The following SPIDR variants were observed in gnomAD, a reference collection of about 807,000 sequenced individuals.
SPIDR encodes the protein scaffold protein involved in DNA repair, also known as DNA repair-scaffolding protein.
In SPIDR, 93 loss-of-function variants were observed where a neutral mutation model predicts 104.6. The observed-to-expected ratio is 0.89, with a 90% CI of 0.75 to 1.06. The LOEUF is 1.06. SPIDR is among the 50% of genes least tolerant of loss of function. The pLI is 0.00. For synonymous variants in SPIDR, 431 were observed against 416.9 expected (o/e 1.03, Z -0.41); for missense variants, 1,154 against 1,111.2 (o/e 1.04, Z -0.55).
intron 5 of SPIDR, among the ~76,000 whole-genome samples, chr8:47,298,015 TCC>T (rs1232803066): frequency 6.6e-6 from 1 of 152,210 alleles, no homozygotes; most frequent in Non-Finnish European, 1.5e-5. Flanking sequence ...TAGTTCTAGA[TCC>T]CTGAGGAATC....
chr8:47,504,980 C>G (rs1205670948), intron 8 of SPIDR, among the ~76,000 whole-genome samples: 1 of 152,168 alleles, frequency 6.6e-6, no homozygotes, highest in East Asian at 1.9e-4. Flanking sequence ...GCTGCCTGAT[C>G]GTTTCTCTGG....
intron 4 of SPIDR, among the ~76,000 whole-genome samples, chr8:47,292,570 C>G (rs924142585): frequency 6.6e-6 from 1 of 152,126 alleles, no homozygotes; most frequent in African/African-American, 2.4e-5. Flanking sequence ...TGGTTTTTAC[C>G]AATTGTCTAA....
intron 5 of SPIDR, among the ~76,000 whole-genome samples, chr8:47,343,414 A>T (rs907029675): frequency 6.6e-6 from 1 of 152,166 alleles, no homozygotes; most frequent in Admixed American, 6.5e-5. Flanking sequence ...AATGAAGTGG[A>T]GGGTGTGAAA....
At chr8:47,386,950 TAGATATAGATATAGATAC>T (rs1563811671) in intron 5 of SPIDR, among the ~76,000 whole-genome samples, 4 of 140,334 alleles carry the variant, frequency 2.9e-5, no homozygotes, top group Admixed American at 7.1e-5. Context: ...GATATAGATA[TAGATATAGATATAGATAC>T]AGATATAGAT....
chr8:47,517,680 T>G (rs1473870681), intron 8 of SPIDR, among the ~76,000 whole-genome samples: 1 of 152,228 alleles, frequency 6.6e-6, no homozygotes, highest in Non-Finnish European at 1.5e-5. Flanking sequence ...CACTAAATAA[T>G]TTGAAAAGAA....
At chr8:47,427,577 G>T (rs977459681) in intron 7 of SPIDR, among the ~76,000 whole-genome samples, 12 of 152,200 alleles carry the variant, frequency 7.9e-5, no homozygotes, top group Admixed American at 2.0e-4. Context: ...GACAGGCTTG[G>T]TATGTAATCT....
At chr8:47,419,543 A>G (rs1230802061) in intron 7 of SPIDR, among the ~76,000 whole-genome samples, 4 of 151,810 alleles carry the variant, frequency 2.6e-5, no homozygotes, top group East Asian at 3.9e-4. Context: ...TAGTCTATCA[A>G]TTTTGTTGAT....
chr8:47,316,817 C>A (rs2045445302), intron 5 of SPIDR, among the ~76,000 whole-genome samples: 2 of 152,036 alleles, frequency 1.3e-5, no homozygotes, highest in South Asian at 4.2e-4. Flanking sequence ...AATGGTGTGT[C>A]TTTTATTGTA....
intron 11 of SPIDR, among the ~76,000 whole-genome samples, chr8:47,690,689 T>C (rs886580231): frequency 7.9e-5 from 12 of 152,092 alleles, no homozygotes; most frequent in Admixed American, 7.2e-4. Context: ...CATGGTGGCA[T>C]GCGCCTGTAG....
At chr8:47,326,583 A>G (rs2047698708) in intron 5 of SPIDR, among the ~76,000 whole-genome samples, 1 of 152,234 alleles carries the variant, frequency 6.6e-6, no homozygotes, top group Non-Finnish European at 1.5e-5. Flanking sequence ...CTCTGCAAGG[A>G]GACACTATAC....
intron 7 of SPIDR, among the ~76,000 whole-genome samples, chr8:47,423,240 T>C (rs1554682361): frequency 6.7e-6 from 1 of 149,866 alleles, no homozygotes; most frequent in Non-Finnish European, 1.5e-5. Flanking sequence ...GAAGTTTCAG[T>C]GAGCCGAGAT....
At chr8:47,269,923 G>GT (rs1174136469) in intron 1 of SPIDR, among the ~76,000 whole-genome samples, 11 of 151,948 alleles carry the variant, frequency 7.2e-5, no homozygotes, top group African/African-American at 2.4e-4. Flanking sequence ...CAATACTGTG[G>GT]TTTTTATCCT....
At position 47,466,706 on chromosome 8, in the gene SPIDR, C is replaced by CAAAAAAA. The variant is rs78296344; in HGVS notation, c.1097+26170_1097+26176dup. On this transcript the variant is annotated intron_variant, in intron 8 of 19. Coordinates refer to ENST00000297423, the MANE Select transcript of SPIDR (RefSeq NM_001080394.4). Reference sequence around the variant, plus strand: ...TGAAACCCCGTCTCTACGAAAAATACAAAAAAAAAAAAGTTAGATTCCAAT... The same window carrying CAAAAAAA: ...TGAAACCCCGTCTCTACGAAAAATACAAAAAAAAAAAAAAAAAAAGTTAGATTCCAAT... Among the ~76,000 whole-genome samples the CAAAAAAA allele has an allele frequency of 2.2e-3, 302 of 134,980 alleles. 2 individuals carry two copies. The highest frequency in any genetic ancestry group is 8.2e-3 in the African/African-American group (297 of 36,110). 88.6% of individuals were successfully genotyped at this position (134,980 alleles called of 152,430 possible). A position where few individuals can be genotyped will look rare whatever the true frequency, so the allele number is the denominator to read the frequency against.
chr8:47,263,528 C>A (rs2033103256), intron 1 of SPIDR, among the ~76,000 whole-genome samples: 1 of 152,148 alleles, frequency 6.6e-6, no homozygotes, highest in African/African-American at 2.4e-5. Context: ...ACCGTGTTAG[C>A]CAGGATGGTC....
chr8:47,618,636 G>A (rs1217474907), intron 10 of SPIDR, among the ~76,000 whole-genome samples: 4 of 152,044 alleles, frequency 2.6e-5, no homozygotes, highest in Non-Finnish European at 2.9e-5. Flanking sequence ...TTAAAAACCC[G>A]CATATAATTG....
At chr8:47,485,672 C>T (rs2077490749) in intron 8 of SPIDR, among the ~76,000 whole-genome samples, 1 of 152,192 alleles carries the variant, frequency 6.6e-6, no homozygotes, top group African/African-American at 2.4e-5. Context: ...GAGGAACGAT[C>T]AGGCAGCAGC....
At chr8:47,480,084 T>C (rs1322853135) in intron 8 of SPIDR, among the ~76,000 whole-genome samples, 2 of 152,180 alleles carry the variant, frequency 1.3e-5, no homozygotes, top group South Asian at 4.1e-4. Flanking sequence ...ACCAGTATTT[T>C]CCTGTTTAAA....
intron 8 of SPIDR, among the ~76,000 whole-genome samples, chr8:47,497,013 T>G (rs1345624380): frequency 6.6e-6 from 1 of 152,104 alleles, no homozygotes; most frequent in Admixed American, 6.6e-5. Flanking sequence ...TTCCTTTTAG[T>G]GTGCTATAGA....
intron 5 of SPIDR, among the ~76,000 whole-genome samples, chr8:47,359,053 A>G (rs911498100): frequency 3.3e-5 from 5 of 152,226 alleles, no homozygotes; most frequent in Admixed American, 6.5e-5. Context: ...AGGATTGAGC[A>G]CAGAGATCTG....
Sources: allele counts gnomAD v4.1 joint callset (sites outside exome capture counted in the v4.1 genomes callset), GRCh38; gene constraint gnomAD v4.1.1; transcripts MANE v1.5; gene names NCBI Gene and HGNC (gene_info 2026-07-23, HGNC 2026-07-21).